The following PHKB variants were observed in gnomAD, a reference collection of about 807,000 sequenced individuals.
The protein encoded by PHKB is phosphorylase kinase regulatory subunit beta.
In PHKB, 122 loss-of-function variants were observed where a neutral mutation model predicts 152.1. That is an observed-to-expected ratio of 0.80 (90% CI 0.69 to 0.93). The LOEUF is 0.93. Ranked by LOEUF, PHKB falls within the 40% of genes least tolerant of loss-of-function variation. PHKB has a pLI of 0.00. For missense variants in PHKB, 1,304 were observed against 1,328.4 expected (o/e 0.98, Z 0.29); for synonymous variants, 436 against 464.9 (o/e 0.94, Z 0.80).
chr16:47,540,349 T>C (rs539588588), intron 6 of PHKB, among the ~76,000 whole-genome samples: 22 of 150,758 alleles, frequency 1.5e-4, no homozygotes, highest in Non-Finnish European at 3.2e-4. Context: ...CGTGCACAGC[T>C]GAACATAGAC....
At chr16:47,681,164 T>C (rs1973846896) in intron 26 of PHKB, among the ~76,000 whole-genome samples, 1 of 152,198 alleles carries the variant, frequency 6.6e-6, no homozygotes, top group Admixed American at 6.5e-5. Flanking sequence ...TTCTTTTACA[T>C]TTGCTGAGGA....
chr16:47,468,095 T>C (rs1422154242), intron 1 of PHKB, among the ~76,000 whole-genome samples: 1 of 152,218 alleles, frequency 6.6e-6, no homozygotes, highest in East Asian at 1.9e-4. Flanking sequence ...TCCTTCAACC[T>C]TTTTATTCAG....
chr16:47,660,596 G>T (rs1973423821), intron 21 of PHKB, 29 bp downstream of exon 21: 2 of 1,611,604 alleles, frequency 1.2e-6, no homozygotes, highest in Admixed American at 1.7e-5. Context: ...TTTCATTTTT[G>T]GGTTTTTTGA....
At chr16:47,679,069 T>A (rs2142090262) in intron 26 of PHKB, among the ~76,000 whole-genome samples, 1 of 152,332 alleles carries the variant, frequency 6.6e-6, no homozygotes, top group African/African-American at 2.4e-5. Context: ...TTGTCAAAGA[T>A]CAGATGGTTG....
At chr16:47,492,765 G>T (rs1383702621) in intron 1 of PHKB, among the ~76,000 whole-genome samples, 1 of 152,228 alleles carries the variant, frequency 6.6e-6, no homozygotes, top group African/African-American at 2.4e-5. Flanking sequence ...CCTGCCCTCA[G>T]AAGTCTGAGG....
At position 47,573,396 on chromosome 16, in the gene PHKB, G is replaced by A. The variant is rs568858415; in HGVS notation, c.711-6899G>A. Among the ~76,000 whole-genome samples, 7 of 152,268 alleles carry A rather than the reference G, an allele frequency of 4.6e-5. No homozygotes were observed. In the East Asian group the frequency reaches 5.8e-4, roughly 13 times the overall value. ...GGACTCAGGCTGTGACCCCAGTGGC[G>A]ATCCGAGGGCAGTTCCCTGGCCACT... is the stretch of plus-strand genomic sequence containing the variant. On this transcript the variant is annotated intron_variant, in intron 7 of 30. Transcript: ENST00000323584.
intron 14 of PHKB, chr16:47,619,115 A>T (rs981054072): frequency 1.3e-5 from 2 of 152,228 alleles, no homozygotes; most frequent in African/African-American, 2.4e-5. Context: ...GACAAATATT[A>T]TATCCATTTT....
chr16:47,665,284 ACTTTTGAGGG>A, intron 25 of PHKB: 1 of 333,924 alleles, frequency 3.0e-6, no homozygotes, highest in African/African-American at 2.1e-5. Flanking sequence ...GAGAATTTTT[ACTTTTGAGGG>A]AAAAAAATTG....
At chr16:47,510,587 C>G (rs1970493636) in intron 4 of PHKB, among the ~76,000 whole-genome samples, 1 of 152,122 alleles carries the variant, frequency 6.6e-6, no homozygotes, top group African/African-American at 2.4e-5. Context: ...GAGATACACA[C>G]AGCTAGTAAA....
intron 26 of PHKB, among the ~76,000 whole-genome samples, chr16:47,682,942 G>A (rs1973890174): frequency 6.6e-6 from 1 of 152,134 alleles, no homozygotes; most frequent in Admixed American, 6.5e-5. Context: ...AAGGGTTTTT[G>A]GTGTGGATGT....
At chr16:47,510,936 G>A (rs951704050) in intron 4 of PHKB, among the ~76,000 whole-genome samples, 29 of 152,116 alleles carry the variant, frequency 1.9e-4, no homozygotes, top group African/African-American at 6.5e-4. Flanking sequence ...AATTAGCACA[G>A]TACTTGTCAC....
chr16:47,599,240 G>A (rs547821209), intron 13 of PHKB, among the ~76,000 whole-genome samples: 1 of 152,294 alleles, frequency 6.6e-6, no homozygotes, highest in African/African-American at 2.4e-5. Flanking sequence ...AATTACAAAT[G>A]AGCATGAGGA....
chr16:47,502,430 A>G (rs1970338489), intron 3 of PHKB, among the ~76,000 whole-genome samples: 3 of 152,246 alleles, frequency 2.0e-5, no homozygotes, highest in Non-Finnish European at 4.4e-5. Flanking sequence ...AATTAAAACC[A>G]AAGAATATAA....
At chr16:47,578,875 A>C (rs770414709) in intron 7 of PHKB, among the ~76,000 whole-genome samples, 1 of 151,870 alleles carries the variant, frequency 6.6e-6, no homozygotes, top group Non-Finnish European at 1.5e-5. Context: ...TATTGTCTAA[A>C]AGTTTTATTT....
In PHKB at chr16:47,693,474, TG is replaced by T; in HGVS notation, c.2865del (p.Ile956SerfsTer17). The T allele has an allele frequency of 1.2e-6, 2 of 1,614,074 alleles. No homozygotes were observed. On this transcript the variant is annotated frameshift_variant, in exon 28 of 31. Coordinates refer to ENST00000323584, the MANE Select transcript of PHKB (RefSeq NM_000293.3). LOFTEE classifies it high-confidence loss of function. ...VWQILERTPNGIIVAGKHLPQ... is the reference protein window; with the variant it reads ...VWQILERTPNXIIVAGKHLPQ... ...GGCAGATTCTGGAGCGCACGCCCAATGGGATCATTGTTGCTGGGAAGCATTT... is the reference window on the plus strand; with the variant it reads ...GGCAGATTCTGGAGCGCACGCCCAATGGATCATTGTTGCTGGGAAGCATTT...
chr16:47,516,950 G>T (rs1567288600), intron 6 of PHKB, among the ~76,000 whole-genome samples: 1 of 152,100 alleles, frequency 6.6e-6, no homozygotes, highest in Non-Finnish European at 1.5e-5. Context: ...GGAAACTCCT[G>T]TTTTAGTCCA....
intron 7 of PHKB, among the ~76,000 whole-genome samples, chr16:47,575,862 A>T (rs1202139953): frequency 6.6e-6 from 1 of 152,154 alleles, no homozygotes; most frequent in Non-Finnish European, 1.5e-5. Context: ...GGATCACCTG[A>T]GGTTGGGAGT....
intron 6 of PHKB, among the ~76,000 whole-genome samples, chr16:47,519,652 C>T (rs1970653542): frequency 6.6e-6 from 1 of 152,164 alleles, no homozygotes; most frequent in Non-Finnish European, 1.5e-5. Flanking sequence ...AAATACAGTG[C>T]TTTTTATGAC....
At chr16:47,566,847 A>G in intron 7 of PHKB, 1 of 716,202 alleles carries the variant, frequency 1.4e-6, no homozygotes, top group Admixed American at 1.8e-5. Context: ...AGAGTCTGTT[A>G]GGGAGAGAGT....
Sources: allele counts gnomAD v4.1 joint callset (sites outside exome capture counted in the v4.1 genomes callset), GRCh38; gene constraint gnomAD v4.1.1; transcripts MANE v1.5; gene names NCBI Gene and HGNC (gene_info 2026-07-23, HGNC 2026-07-21).